The following GDA variants were observed in gnomAD, a reference collection of about 807,000 sequenced individuals.
GDA encodes the protein cytoplasmic PSD-95 interactor.
In GDA, 18 loss-of-function variants were observed where a neutral mutation model predicts 59.6. That is an observed-to-expected ratio of 0.30 (90% confidence interval 0.21 to 0.45). The LOEUF (loss-of-function observed/expected upper bound fraction) is 0.45. GDA is among the 20% of genes least tolerant of loss of function. GDA has a pLI of 1.00. For missense variants in GDA, 427 were observed against 552.3 expected (o/e 0.77, Z 2.27); for synonymous variants, 201 against 201.1 (o/e 1.00, Z 0.00).
chr9:72,221,151 A>G (rs1788673146), intron 6 of GDA, among the ~76,000 whole-genome samples: 1 of 152,154 alleles, frequency 6.6e-6, no homozygotes, highest in Non-Finnish European at 1.5e-5. Flanking sequence ...ACCAGAGCCA[A>G]TCCTACAACT....
chr9:72,168,114 G>A (rs930073971), intron 1 of GDA, among the ~76,000 whole-genome samples: 4 of 152,118 alleles, frequency 2.6e-5, no homozygotes, highest in African/African-American at 9.7e-5. Context: ...GGAAAAGATT[G>A]GGCAGGGTGA....
chr9:72,142,977 C>T (rs1052418740), intron 1 of GDA, among the ~76,000 whole-genome samples: 12 of 151,544 alleles, frequency 7.9e-5, no homozygotes, highest in African/African-American at 2.9e-4. Context: ...CCATGTTGGT[C>T]AGGCTGGTCT....
At chr9:72,227,288 T>C (rs1175145316) in intron 8 of GDA, among the ~76,000 whole-genome samples, 21 of 152,238 alleles carry the variant, frequency 1.4e-4, no homozygotes. Context: ...CTCATGTGTG[T>C]GCAGTGCCTG....
chr9:72,202,912 C>T (rs892384197), intron 3 of GDA, among the ~76,000 whole-genome samples, 170 bp downstream of exon 3: 1 of 152,328 alleles, frequency 6.6e-6, no homozygotes, highest in East Asian at 1.9e-4. Context: ...ACCTCACCTA[C>T]ACAGCTAGTC....
At position 72,250,412 on chromosome 9, in the gene GDA, A is replaced by T. The variant is rs1200675533; in HGVS notation, c.*2070A>T. 4.2e-6 allele frequency: 5 copies of T among 1,187,892 alleles called. No individual in the cohort carries two copies. The African/African-American group carries it at 8.0e-5, about 19-fold the overall frequency. The allele number at this position is 1,187,892 out of a possible 1,614,324, so 73.6% of individuals were successfully genotyped here. A position where few individuals can be genotyped will look rare whatever the true frequency, so the allele number is the denominator to read the frequency against. On this transcript the variant is annotated 3_prime_UTR_variant, in exon 14 of 14. Coordinates refer to ENST00000358399, the MANE Select transcript of GDA (RefSeq NM_004293.5). ...GAAGCAGTAGGAATGGCCGTATACA[A>T]CCATCCTGTTAAACATTTAAATTTA...
At chr9:72,175,998 CAAT>C (rs1251924733) in intron 1 of GDA, among the ~76,000 whole-genome samples, 1 of 152,142 alleles carries the variant, frequency 6.6e-6, no homozygotes, top group African/African-American at 2.4e-5. Flanking sequence ...CTTGAAACAA[CAAT>C]AAAAATGTAT....
At chr9:72,231,993 A>G (rs1027781658) in intron 10 of GDA, among the ~76,000 whole-genome samples, 8 of 152,358 alleles carry the variant, frequency 5.3e-5, no homozygotes, top group Admixed American at 2.6e-4. Flanking sequence ...GTGCATATGA[A>G]TTAGTGACGG....
rs572715868 is a variant in GDA at position 72,191,473 on chromosome 9, CT to C, written c.124-4011del. On this transcript the variant is annotated intron_variant, in intron 1 of 13. Transcript: ENST00000358399. Reference sequence around the variant, plus strand: ...ACAGGGAGAAAGTAAAGGGAAGGCTCTTTTTTTTTTTTTTTTGAGACGGAGT... The same window carrying C: ...ACAGGGAGAAAGTAAAGGGAAGGCTCTTTTTTTTTTTTTTTGAGACGGAGT... Among the ~76,000 whole-genome samples the C allele has an allele frequency of 9.6e-3, 1,327 of 138,016 alleles. 15 individuals are homozygous for C. The highest frequency in any genetic ancestry group is 0.029 in the African/African-American group (1,085 of 38,008). 90.5% of individuals were successfully genotyped at this position (138,016 alleles called of 152,430 possible). A position where few individuals can be genotyped will look rare whatever the true frequency, so the allele number is the denominator to read the frequency against.
chr9:72,163,220 A>G (rs958843148), intron 1 of GDA, among the ~76,000 whole-genome samples: 10 of 152,150 alleles, frequency 6.6e-5, no homozygotes, highest in African/African-American at 2.4e-4. Context: ...GTACAACTGG[A>G]TGGATATGGT....
chr9:72,177,827 C>A (rs1830716553), intron 1 of GDA, among the ~76,000 whole-genome samples: 1 of 152,102 alleles, frequency 6.6e-6, no homozygotes, highest in South Asian at 2.1e-4. Flanking sequence ...AATCACTATC[C>A]ACATTTATGT....
chr9:72,256,561 G>A (rs1259323132), downstream of GDA, among the ~76,000 whole-genome samples: 1 of 152,138 alleles, frequency 6.6e-6, no homozygotes, highest in African/African-American at 2.4e-5. Flanking sequence ...AGAAGAGTAG[G>A]AATTTATTTT....
upstream of GDA, among the ~76,000 whole-genome samples, chr9:72,149,000 G>A (rs552858690): frequency 6.1e-4 from 93 of 152,276 alleles, no homozygotes; most frequent in African/African-American, 2.0e-3. Context: ...GAGATGTTCG[G>A]TAAGACATGC....
intron 1 of GDA, among the ~76,000 whole-genome samples, chr9:72,152,930 C>T (rs1827403077): frequency 1.3e-5 from 2 of 152,026 alleles, no homozygotes; most frequent in Admixed American, 1.3e-4. Flanking sequence ...TTAGGTCTAA[C>T]GTTTAAGTCT....
At position 72,249,861 on chromosome 9, in the gene GDA, T is replaced by C. The variant is rs1407565840; in HGVS notation, c.*1519T>C. On this transcript the variant is annotated 3_prime_UTR_variant, in exon 14 of 14. Transcript: ENST00000358399. ...CAAAAAAACACAGTTCCCCCTCCTG[T>C]AGTATAAATTTTATTTTCACATACT... 4 of 969,028 alleles carry C rather than the reference T, an allele frequency of 4.1e-6. No individual in the cohort carries two copies. The highest frequency in any genetic ancestry group is 5.2e-4 in the Middle Eastern group (1 of 1,906). The allele number at this position is 969,028 out of a possible 1,614,324, so 60.0% of individuals were successfully genotyped here.
At chr9:72,127,463 C>G (rs1479408886) in intron 1 of GDA, among the ~76,000 whole-genome samples, 1 of 151,746 alleles carries the variant, frequency 6.6e-6, no homozygotes. Context: ...ATGGTGAAAC[C>G]CTGTCTCTAC....
rs1033061194 is a variant in GDA at position 72,227,973 on chromosome 9, G to A, written c.853G>A (p.Ala285Thr). 6.2e-7 allele frequency: 1 copy of A among 1,609,118 alleles called. No individual in the cohort carries two copies. Among genetic ancestry groups the A allele is most frequent in the Middle Eastern group, 1.7e-4 (1 of 6,052 alleles). Reference protein sequence around the residue: ...TVMAHGCYLSAEELNVFHERG... With the variant: ...TVMAHGCYLSTEELNVFHERG... ...GATGGCACACGGCTGCTACCTCTCT[G>A]CAGAAGAACTGAACGTATTCCATGA... The change falls in exon 9 of 14, where the codon GCA (alanine) becomes ACA (threonine). Residue 285 changes from alanine (A) to threonine (T), a missense_variant. Transcript: ENST00000358399.
At chr9:72,136,457 A>T (rs989114452) in intron 1 of GDA, among the ~76,000 whole-genome samples, 1 of 152,246 alleles carries the variant, frequency 6.6e-6, no homozygotes, top group African/African-American at 2.4e-5. Context: ...TCAGTTGTTC[A>T]TATAGAATAT....
At chr9:72,126,978 CAG>C (rs1367141551) in intron 1 of GDA, among the ~76,000 whole-genome samples, 13 of 152,114 alleles carry the variant, frequency 8.5e-5, no homozygotes, top group African/African-American at 3.1e-4. Context: ...TAGATCAGCT[CAG>C]AGAGAGAAGA....
chr9:72,159,210 A>T (rs938664031), intron 1 of GDA, among the ~76,000 whole-genome samples: 2 of 152,214 alleles, frequency 1.3e-5, no homozygotes, highest in African/African-American at 4.8e-5. Context: ...CCTGGCCAAC[A>T]TGGTGAAACC....
Sources: allele counts gnomAD v4.1 joint callset (sites outside exome capture counted in the v4.1 genomes callset), GRCh38; gene constraint gnomAD v4.1.1; transcripts MANE v1.5; gene names NCBI Gene and HGNC (gene_info 2026-07-23, HGNC 2026-07-21).